The following CSRNP3 variants were observed in gnomAD, a reference collection of about 807,000 sequenced individuals.
CSRNP3 encodes cysteine/serine-rich nuclear protein 3.
CSRNP3 carries 12 observed loss-of-function variants against 48.0 expected under a neutral mutation model. The observed-to-expected ratio is 0.25, with a 90% confidence interval of 0.16 to 0.41. The LOEUF (loss-of-function observed/expected upper bound fraction) is 0.41. Ranked by LOEUF, CSRNP3 falls within the 10% of genes least tolerant of loss-of-function variation. CSRNP3 has a pLI of 1.00. For synonymous variants in CSRNP3, 263 were observed against 269.7 expected (o/e 0.98, Z 0.24); for missense variants, 580 against 724.4 (o/e 0.80, Z 2.29).
chr2:165,480,258 C>T (rs553216685), intron 1 of CSRNP3, among the ~76,000 whole-genome samples: 18 of 152,284 alleles, frequency 1.2e-4, no homozygotes, highest in Admixed American at 3.9e-4. Context: ...GTCAAGCCCA[C>T]CCGCATAATC....
intron 1 of CSRNP3, among the ~76,000 whole-genome samples, chr2:165,486,061 A>G (rs933370913): frequency 1.3e-5 from 2 of 152,130 alleles, no homozygotes; most frequent in African/African-American, 4.8e-5. Flanking sequence ...GGAGTGCCAG[A>G]CAGTGGGCGC....
Position 165,668,841 on chromosome 2 carries a change from A to G in CSRNP3, c.409-7471A>G, listed in dbSNP as rs940960572. 9.9e-5 allele frequency among the ~76,000 whole-genome samples: 15 copies of G among 152,058 alleles called. No individual in the cohort carries two copies. The South Asian group carries it at 1.0e-3, about 11-fold the overall frequency. ...TTTCCTTTTGTTCAGTTTTTCTACC[A>G]TTGCTCTTAAGAATTTTTACTCCAA... On this transcript the variant is annotated intron_variant, in intron 5 of 6. Transcript: ENST00000651982.
chr2:165,476,986 GA>G (rs941555135), intron 1 of CSRNP3, among the ~76,000 whole-genome samples: 7 of 151,880 alleles, frequency 4.6e-5, no homozygotes, highest in South Asian at 2.1e-4. Flanking sequence ...GCTAGTGGGT[GA>G]AAAAAAATCC....
chr2:165,674,525 A>G (rs1179505621), intron 5 of CSRNP3, among the ~76,000 whole-genome samples: 4 of 151,376 alleles, frequency 2.6e-5, no homozygotes, highest in Non-Finnish European at 4.4e-5. Flanking sequence ...AAGGAAGGAA[A>G]TAAATTTTAG....
intron 4 of CSRNP3, among the ~76,000 whole-genome samples, chr2:165,628,171 C>T (rs916457593): frequency 6.6e-6 from 1 of 152,180 alleles, no homozygotes; most frequent in Non-Finnish European, 1.5e-5. Context: ...ATTGCTTACT[C>T]TTGTTTAGTA....
intron 1 of CSRNP3, among the ~76,000 whole-genome samples, chr2:165,474,420 T>A (rs923474790): frequency 2.0e-5 from 3 of 152,152 alleles, no homozygotes; most frequent in African/African-American, 7.2e-5. Context: ...GTAATTTTTA[T>A]GCAAATGTTT....
At chr2:165,601,074 C>T (rs1327640801) in intron 4 of CSRNP3, among the ~76,000 whole-genome samples, 1 of 152,138 alleles carries the variant, frequency 6.6e-6, no homozygotes, top group Non-Finnish European at 1.5e-5. Context: ...TTTTGCTAGG[C>T]AACAAGCATA....
chr2:165,561,080 A>T (rs1023929669), intron 3 of CSRNP3, among the ~76,000 whole-genome samples: 5 of 152,338 alleles, frequency 3.3e-5, no homozygotes, highest in Admixed American at 2.0e-4. Context: ...TTAGTTAGTA[A>T]GGACTACTAC....
At chr2:165,590,268 T>A (rs940464770) in intron 3 of CSRNP3, among the ~76,000 whole-genome samples, 20 of 152,200 alleles carry the variant, frequency 1.3e-4, no homozygotes, top group Admixed American at 4.6e-4. Flanking sequence ...TTATCTCCAT[T>A]GTTAATATAA....
At chr2:165,593,977 T>G (rs1203204578) in intron 3 of CSRNP3, among the ~76,000 whole-genome samples, 1 of 152,184 alleles carries the variant, frequency 6.6e-6, no homozygotes, top group Non-Finnish European at 1.5e-5. Flanking sequence ...CTTTGTTTTG[T>G]TCACAAAATT....
chr2:165,627,006 A>G (rs1405261408), intron 4 of CSRNP3, among the ~76,000 whole-genome samples: 1 of 151,608 alleles, frequency 6.6e-6, no homozygotes, highest in Non-Finnish European at 1.5e-5. Flanking sequence ...TTGTGCTTTT[A>G]TTTACTTTAG....
chr2:165,524,967 A>G (rs1684713865), intron 3 of CSRNP3, among the ~76,000 whole-genome samples: 3 of 152,228 alleles, frequency 2.0e-5, no homozygotes, highest in South Asian at 2.1e-4. Context: ...TATGTATCAC[A>G]TGATGAGTGT....
intron 4 of CSRNP3, among the ~76,000 whole-genome samples, chr2:165,623,864 T>C (rs1221361691): frequency 6.6e-6 from 1 of 152,222 alleles, no homozygotes; most frequent in East Asian, 1.9e-4. Flanking sequence ...ACTCTCTTCC[T>C]TTCCCTTTTA....
intron 5 of CSRNP3, among the ~76,000 whole-genome samples, chr2:165,667,342 A>G (rs1687252044): frequency 6.6e-6 from 1 of 152,238 alleles, no homozygotes; most frequent in Non-Finnish European, 1.5e-5. Flanking sequence ...TCCCTGTAGT[A>G]AACTTAGGCA....
chr2:165,513,916 A>T (rs184184698), intron 2 of CSRNP3, among the ~76,000 whole-genome samples: 239 of 152,340 alleles, frequency 1.6e-3, no homozygotes, highest in Non-Finnish European at 2.6e-3. Context: ...AAGTTAAAAA[A>T]CTGGTTCTAG....
chr2:165,470,827 G>A (rs1028422148), intron 1 of CSRNP3, among the ~76,000 whole-genome samples: 3 of 151,912 alleles, frequency 2.0e-5, no homozygotes, highest in Non-Finnish European at 4.4e-5. Flanking sequence ...ACTGGCCATC[G>A]ATTAATACCT....
intron 5 of CSRNP3, among the ~76,000 whole-genome samples, chr2:165,665,922 GAAGA>G (rs1019257583): frequency 2.3e-4 from 32 of 138,112 alleles, no homozygotes; most frequent in Admixed American, 1.5e-4. Flanking sequence ...AGAGAGAGAG[GAAGA>G]AAGAAAGAGA....
At chr2:165,542,414 G>A (rs760600783) in intron 3 of CSRNP3, among the ~76,000 whole-genome samples, 2 of 152,114 alleles carry the variant, frequency 1.3e-5, no homozygotes, top group African/African-American at 2.4e-5. Context: ...ACGTGTGTAC[G>A]TATGAGTGTA....
At chr2:165,522,672 A>G (rs1439397421) in intron 3 of CSRNP3, among the ~76,000 whole-genome samples, 2 of 150,334 alleles carry the variant, frequency 1.3e-5, no homozygotes, top group Non-Finnish European at 3.0e-5. Flanking sequence ...AATGTAATAA[A>G]CTCTTTTCCT....
Sources: allele counts gnomAD v4.1 joint callset (sites outside exome capture counted in the v4.1 genomes callset), GRCh38; gene constraint gnomAD v4.1.1; transcripts MANE v1.5; gene names NCBI Gene and HGNC (gene_info 2026-07-23, HGNC 2026-07-21).